CMTR1: variants seen among roughly 807,000 people sequenced by gnomAD.
The protein encoded by CMTR1 is cap methyltransferase 1, also known as cap-specific mRNA (nucleoside-2'-O-)-methyltransferase 1.
CMTR1 carries 39 observed loss-of-function variants against 107.0 expected under a neutral mutation model. That is an observed-to-expected ratio of 0.36 (90% confidence interval 0.28 to 0.48). CMTR1 has a LOEUF of 0.48. CMTR1 is among the 20% of genes least tolerant of loss of function. The probability of loss-of-function intolerance (pLI) is 0.99; values close to 1 mark genes in which losing one functional copy is unlikely to be tolerated. For synonymous variants in CMTR1, 366 were observed against 379.5 expected (o/e 0.96, Z 0.41); for missense variants, 672 against 1,064.9 (o/e 0.63, Z 5.14).
At position 37,480,251 on chromosome 6, in the gene CMTR1, G is replaced by A; in HGVS notation, c.*106G>A. The A allele has an allele frequency of 6.5e-7, 1 of 1,526,960 alleles. No homozygotes were observed. Among genetic ancestry groups the A allele is most frequent in the Non-Finnish European group, 8.7e-7 (1 of 1,152,202 alleles). 94.6% of individuals were successfully genotyped at this position (1,526,960 alleles called of 1,614,324 possible). ...TTCCCCCTCTTGAAAAGGGACTGGG[G>A]AGCATTGCACCTGGCATGAGGAGTG... On this transcript the variant is annotated 3_prime_UTR_variant, in exon 24 of 24. Coordinates refer to ENST00000373451, the MANE Select transcript of CMTR1 (RefSeq NM_015050.3).
intron 18 of CMTR1, 43 bp downstream of exon 18, chr6:37,474,689 GA>G: frequency 6.2e-7 from 1 of 1,606,962 alleles, no homozygotes; most frequent in Non-Finnish European, 8.5e-7. Context: ...GCAGCTAGGG[GA>G]CTAGGGGGCT....
At position 37,462,109 on chromosome 6, in the gene CMTR1, C is replaced by A; in HGVS notation, c.1325+7C>A. The A allele has an allele frequency of 6.2e-7, 1 of 1,614,026 alleles. No individual in the cohort carries two copies. Among genetic ancestry groups the A allele is most frequent in the Non-Finnish European group, 8.5e-7 (1 of 1,180,016 alleles). ...GTCCTGCCAACTCAGAGAGGTGAAG[C>A]CTTTCTCTCTATATTAGCCAGATTA... On this transcript the variant is annotated splice_region_variant and intron_variant, in intron 12 of 23. Transcript: ENST00000373451.
At chr6:37,451,529 G>C (rs1761172898) in intron 5 of CMTR1, among the ~76,000 whole-genome samples, 1 of 152,118 alleles carries the variant, frequency 6.6e-6, no homozygotes, top group South Asian at 2.1e-4. Flanking sequence ...CTTCCTGTTT[G>C]GTGTTCCCAG....
At chr6:37,428,357 T>C (rs570765889), upstream of CMTR1, among the ~76,000 whole-genome samples, 232 of 152,326 alleles carry the variant, frequency 1.5e-3, no homozygotes, top group African/African-American at 5.3e-3. Flanking sequence ...ATTGTGATTT[T>C]TGCAGAGCCT....
Position 37,450,286 on chromosome 6 carries a change from A to G in CMTR1, c.480A>G (p.Glu160=), listed in dbSNP as rs929093274. The G allele has an allele frequency of 6.2e-7, 1 of 1,614,090 alleles. No homozygotes were observed. The highest frequency in any genetic ancestry group is 8.5e-7 in the Non-Finnish European group (1 of 1,180,002). Residue 160 remains glutamate (E), a synonymous_variant, in exon 5 of 24, where the codon GAA becomes GAG. Coordinates refer to ENST00000373451, the MANE Select transcript of CMTR1 (RefSeq NM_015050.3). ...GTGAGCAGGTGTCATGGTTTCCAGA[A>G]TGTACCACTGAAATTCCTGACACTC... ...SACEQVSWFP[E]CTTEIPDTQE... is the part of the protein sequence containing the mutation.
At chr6:37,450,026 A>G (rs1771897385) in intron 4 of CMTR1, among the ~76,000 whole-genome samples, 1 of 152,202 alleles carries the variant, frequency 6.6e-6, no homozygotes, top group African/African-American at 2.4e-5. Flanking sequence ...TAGGTTTGAG[A>G]AGTTTCTAAG....
In CMTR1 at chr6:37,459,787, G is replaced by A. The variant is rs959361295; in HGVS notation, c.1095+103G>A. ...GGTTCTTTAGCTGCTCCCAAAGATG[G>A]TATTTCACAGTTCAGATTGTAGAGA... On this transcript the variant is annotated intron_variant, in intron 10 of 23. Transcript: ENST00000373451. The A allele has an allele frequency of 6.2e-6, 5 of 811,072 alleles. No homozygotes were observed. The African/African-American group carries it at 8.5e-5, about 14-fold the overall frequency. The allele number at this position is 811,072 out of a possible 1,614,324, so 50.2% of individuals were successfully genotyped here. A position where few individuals can be genotyped will look rare whatever the true frequency, so the allele number is the denominator to read the frequency against.
intron 8 of CMTR1, among the ~76,000 whole-genome samples, chr6:37,453,721 T>C (rs1398909478): frequency 6.6e-6 from 1 of 152,198 alleles, no homozygotes; most frequent in Non-Finnish European, 1.5e-5. Flanking sequence ...ATCAGTGTTG[T>C]ATCTGAAAAT....
At chr6:37,440,384 GC>G (rs1407833922) in intron 2 of CMTR1, among the ~76,000 whole-genome samples, 4 of 152,126 alleles carry the variant, frequency 2.6e-5, no homozygotes, top group Non-Finnish European at 5.9e-5. Context: ...AGCCTCAAAG[GC>G]CCCTGAGTAA....
At position 37,448,210 on chromosome 6, in the gene CMTR1, C is replaced by CAAAAA. The variant is rs11397206; in HGVS notation, c.444+1777_444+1781dup. On this transcript the variant is annotated intron_variant, in intron 4 of 23. Coordinates refer to ENST00000373451, the MANE Select transcript of CMTR1 (RefSeq NM_015050.3). ...TGGGCAACAGTGAGAGATTCCGTCT[C>CAAAAA]AAAAAAAAAAAAAAAAAAAAGAGGT... Among the ~76,000 whole-genome samples the CAAAAA allele has an allele frequency of 4.4e-5, 4 of 91,066 alleles. 1 individual carries two copies. Among genetic ancestry groups the CAAAAA allele is most frequent in the Admixed American group, 1.3e-4 (1 of 7,628 alleles). 59.7% of individuals were successfully genotyped at this position (91,066 alleles called of 152,430 possible).
intron 2 of CMTR1, among the ~76,000 whole-genome samples, chr6:37,438,365 A>G (rs115990623): frequency 0.027 from 4,099 of 152,138 alleles, 213 homozygotes; most frequent in African/African-American, 0.093. Context: ...GGGCATCAGA[A>G]CAAGACCCTA....
chr6:37,450,908 C>G (rs1761141482), intron 5 of CMTR1, among the ~76,000 whole-genome samples: 1 of 152,166 alleles, frequency 6.6e-6, no homozygotes, highest in Non-Finnish European at 1.5e-5. Context: ...CATTCTCTCA[C>G]AAGTGTTCAG....
At chr6:37,470,943 G>A (rs561369066) in intron 13 of CMTR1, 78 bp from the exon 14 acceptor site, 29 of 1,278,892 alleles carry the variant, frequency 2.3e-5, no homozygotes, top group South Asian at 1.6e-4. Flanking sequence ...CACTGCTCCC[G>A]TTTAACCTCT....
Position 37,445,276 on chromosome 6 carries a change from A to G in CMTR1, c.286-1015A>G, listed in dbSNP as rs542873650. Among the ~76,000 whole-genome samples, 7 of 152,280 alleles carry G rather than the reference A, an allele frequency of 4.6e-5. No homozygotes were observed. In the South Asian group the frequency reaches 1.5e-3, roughly 32 times the overall value. ...TGGTAATACCCCTTTCAGAGGGAAT[A>G]TAGACCCTCCAGGGAAATTTAGATC... On this transcript the variant is annotated intron_variant, in intron 3 of 23. Coordinates refer to ENST00000373451, the MANE Select transcript of CMTR1 (RefSeq NM_015050.3).
chr6:37,468,941 C>T (rs181607056), intron 13 of CMTR1, among the ~76,000 whole-genome samples: 12 of 151,990 alleles, frequency 7.9e-5, no homozygotes, highest in Admixed American at 2.0e-4. Context: ...TGGTGGCTCA[C>T]GCCTGTAATC....
chr6:37,453,427 T>A, intron 8 of CMTR1, 115 bp downstream of exon 8: 1 of 1,014,638 alleles, frequency 9.9e-7, no homozygotes. Context: ...GTGATGGAGA[T>A]ACTTTGCTTT....
At position 37,446,401 on chromosome 6, in the gene CMTR1, C is replaced by A. The variant is rs755809917; in HGVS notation, c.396C>A (p.Leu132=). The change falls in exon 4 of 24, where the codon CTC becomes CTA. Residue 132 remains leucine, a synonymous_variant. Coordinates refer to ENST00000373451, the MANE Select transcript of CMTR1 (RefSeq NM_015050.3). The part of the protein sequence containing the change: ...QKGRRGLGLT[L]RGFDQELNVD... The stretch of plus-strand genomic sequence containing the variant: ...GTCGAAGAGGCTTGGGTCTGACACT[C>A]CGGGGCTTTGACCAGGAGCTGAACG... 6.2e-7 allele frequency: 1 copy of A among 1,614,034 alleles called. No individual in the cohort carries two copies. Among genetic ancestry groups the A allele is most frequent in the African/African-American group, 1.3e-5 (1 of 74,924 alleles).
At position 37,462,940 on chromosome 6, in the gene CMTR1, G is replaced by A. The variant is rs768061519; in HGVS notation, c.1437G>A (p.Leu479=). The change falls in exon 13 of 24, where the codon TTG becomes TTA. Residue 479 remains leucine (L), a synonymous_variant. Transcript: ENST00000373451. The part of the protein sequence containing the change: ...QLRNTDSDVN[L]VVPLEVIKGD... ...GGAACACGGATTCCGACGTCAACTT[G>A]GTGGTCCCCCTGGAGGTGATCAAGG... 15 of 1,614,082 alleles carry A rather than the reference G, an allele frequency of 9.3e-6. No homozygotes were observed. The highest frequency in any genetic ancestry group is 6.8e-6 in the Non-Finnish European group (8 of 1,180,048).
chr6:37,476,217 C>T (rs1304529619), intron 20 of CMTR1, 23 bp downstream of exon 20: 3 of 1,612,542 alleles, frequency 1.9e-6, no homozygotes, highest in Middle Eastern at 1.6e-4. Context: ...TCCCTACCCT[C>T]CATGCTTCTT....
Sources: allele counts gnomAD v4.1 joint callset (sites outside exome capture counted in the v4.1 genomes callset), GRCh38; gene constraint gnomAD v4.1.1; transcripts MANE v1.5; gene names NCBI Gene and HGNC (gene_info 2026-07-23, HGNC 2026-07-21).